The following PARD3B variants were observed in gnomAD, a reference collection of about 807,000 sequenced individuals.
PARD3B encodes partitioning defective 3 homolog B.
A neutral mutation model predicts 130.2 loss-of-function variants in PARD3B; 103 were observed. That is an observed-to-expected ratio of 0.79 (90% confidence interval 0.67 to 0.93). The LOEUF (loss-of-function observed/expected upper bound fraction) is 0.93. Ranked by LOEUF, PARD3B falls within the 40% of genes least tolerant of loss-of-function variation. The pLI is 0.00. For missense variants in PARD3B, 1,609 were observed against 1,499.2 expected (o/e 1.07, Z -1.21); for synonymous variants, 583 against 553.2 (o/e 1.05, Z -0.76).
At chr2:205,451,929 A>G (rs1330886083) in intron 20 of PARD3B, among the ~76,000 whole-genome samples, 1 of 152,006 alleles carries the variant, frequency 6.6e-6, no homozygotes, top group African/African-American at 2.4e-5. Context: ...CTTTCTAACT[A>G]TTTCTTTGTA....
At chr2:204,631,364 C>T (rs545265655) in intron 1 of PARD3B, among the ~76,000 whole-genome samples, 1 of 152,184 alleles carries the variant, frequency 6.6e-6, no homozygotes, top group African/African-American at 2.4e-5. Context: ...ATTCTCCTGC[C>T]TCAGCCTCCC....
intron 1 of PARD3B, among the ~76,000 whole-genome samples, chr2:204,591,942 A>C (rs1383875239): frequency 6.6e-6 from 1 of 152,208 alleles, no homozygotes; most frequent in African/African-American, 2.4e-5. Context: ...TAGTGTGCTA[A>C]AGTTGTCTTT....
intron 20 of PARD3B, among the ~76,000 whole-genome samples, chr2:205,447,938 T>C (rs904629411): frequency 1.3e-5 from 2 of 152,214 alleles, no homozygotes; most frequent in African/African-American, 4.8e-5. Flanking sequence ...GGACACAGCA[T>C]CTAAGCCTCA....
intron 1 of PARD3B, among the ~76,000 whole-genome samples, chr2:204,672,704 G>A (rs2036363277): frequency 6.6e-6 from 1 of 152,096 alleles, no homozygotes; most frequent in Non-Finnish European, 1.5e-5. Flanking sequence ...TGAAAAACTT[G>A]CCTACCATTC....
At position 204,779,162 on chromosome 2, in the gene PARD3B, T is replaced by C. The variant is rs1246501528; in HGVS notation, c.222+92880T>C. Among the ~76,000 whole-genome samples, 3 of 152,158 alleles carry C rather than the reference T, an allele frequency of 2.0e-5. No individual in the cohort carries two copies. The East Asian group carries it at 5.8e-4, about 29-fold the overall frequency. On this transcript the variant is annotated intron_variant, in intron 2 of 22. Transcript: ENST00000406610. The stretch of plus-strand genomic sequence containing the variant: ...CCCCTCAGGTTTCTGATAAATTATT[T>C]TTTTCCTCAGAGATGCCATCATCCC...
At chr2:205,152,940 T>C (rs1000374074) in intron 10 of PARD3B, among the ~76,000 whole-genome samples, 4 of 152,196 alleles carry the variant, frequency 2.6e-5, no homozygotes, top group Admixed American at 2.0e-4. Flanking sequence ...GATGGGGTTT[T>C]GGTGTGGATG....
intron 21 of PARD3B, among the ~76,000 whole-genome samples, chr2:205,507,196 ATTTTTTTTTTTTTTTTT>A (rs71410819): frequency 1.2e-3 from 29 of 25,192 alleles, no homozygotes; most frequent in South Asian, 4.3e-3. Context: ...CAGGTGCAGT[ATTTTTTTTTTTTTTTTT>A]TTTTTTTTTT....
chr2:205,378,586 C>T (rs549226039), intron 18 of PARD3B, among the ~76,000 whole-genome samples: 1 of 152,060 alleles, frequency 6.6e-6, no homozygotes, highest in African/African-American at 2.4e-5. Context: ...GCAGCTTCAC[C>T]ATGCTCCCAG....
intron 16 of PARD3B, among the ~76,000 whole-genome samples, chr2:205,297,233 G>A (rs1411412303): frequency 1.3e-5 from 2 of 152,044 alleles, no homozygotes; most frequent in Non-Finnish European, 2.9e-5. Context: ...TCACTTGAAA[G>A]AGACCTCTTC....
At position 205,463,894 on chromosome 2, in the gene PARD3B, T is replaced by C. The variant is rs1211023171; in HGVS notation, c.3044+23222T>C. Among the ~76,000 whole-genome samples, 1 of 152,096 alleles carries C rather than the reference T, an allele frequency of 6.6e-6. No homozygotes were observed. Among genetic ancestry groups the C allele is most frequent in the Non-Finnish European group, 1.5e-5 (1 of 68,034 alleles). On this transcript the variant is annotated intron_variant, in intron 20 of 22. Transcript: ENST00000406610. The surrounding 1 kb of genome is among the most constrained non-coding windows in gnomAD (Gnocchi z 4.8). ...GAGTAAAAGCAGCCGAGTAGGAAAATGGACTAGAAAAGTGTTTTATTGAAG... is the reference window on the plus strand; with the variant it reads ...GAGTAAAAGCAGCCGAGTAGGAAAACGGACTAGAAAAGTGTTTTATTGAAG...
At chr2:205,415,904 A>G (rs990678808) in intron 19 of PARD3B, among the ~76,000 whole-genome samples, 1 of 152,156 alleles carries the variant, frequency 6.6e-6, no homozygotes, top group Non-Finnish European at 1.5e-5. Flanking sequence ...CACAGATTAA[A>G]CCCGAAATAT....
chr2:204,653,897 A>C (rs1288484265), intron 1 of PARD3B, among the ~76,000 whole-genome samples: 1 of 151,146 alleles, frequency 6.6e-6, no homozygotes, highest in East Asian at 1.9e-4. Context: ...TTGGGAGGAA[A>C]GTTTGAGAGT....
chr2:205,582,667 T>TG (rs1470020270), intron 22 of PARD3B, among the ~76,000 whole-genome samples: 1 of 149,402 alleles, frequency 6.7e-6, no homozygotes, highest in African/African-American at 2.6e-5. Context: ...GGAAGGTTAT[T>TG]GTTTTTTTTT....
intron 2 of PARD3B, among the ~76,000 whole-genome samples, chr2:204,957,626 G>A (rs1690376676): frequency 6.6e-6 from 1 of 152,084 alleles, no homozygotes; most frequent in African/African-American, 2.4e-5. Flanking sequence ...CGGATTAAAT[G>A]CTTTTAGCTA....
rs1219711437 is a variant in PARD3B at position 205,585,145 on chromosome 2, C to T, written c.3261-30311C>T. ...ACAGCCTTGGAATGATTGCTCACTCCTTTCTGGCTTAGTCTTTTTTGTGGA... is the reference window on the plus strand; with the variant it reads ...ACAGCCTTGGAATGATTGCTCACTCTTTTCTGGCTTAGTCTTTTTTGTGGA... On this transcript the variant is annotated intron_variant, in intron 22 of 22. Transcript: ENST00000406610. The surrounding 1 kb of genome is among the most constrained non-coding windows in gnomAD (Gnocchi z 5.4). Among the ~76,000 whole-genome samples, 1 of 152,204 alleles carries T rather than the reference C, an allele frequency of 6.6e-6. No homozygotes were observed. Among genetic ancestry groups the T allele is most frequent in the African/African-American group, 2.4e-5 (1 of 41,448 alleles).
At chr2:205,174,477 T>C (rs554394444) in intron 12 of PARD3B, among the ~76,000 whole-genome samples, 8 of 152,344 alleles carry the variant, frequency 5.3e-5, no homozygotes, top group South Asian at 4.1e-4. Flanking sequence ...AAGACTAATG[T>C]ACAGTTTATC....
At chr2:205,615,428 T>G (rs1412892451) in intron 22 of PARD3B, 28 bp from the exon 23 acceptor site, 1 of 1,548,034 alleles carries the variant, frequency 6.5e-7, no homozygotes, top group Non-Finnish European at 8.7e-7. Flanking sequence ...TAGGAGCTGC[T>G]AACATGTGTC....
chr2:204,773,289 C>T (rs932102946), intron 2 of PARD3B, among the ~76,000 whole-genome samples: 1 of 151,822 alleles, frequency 6.6e-6, no homozygotes, highest in East Asian at 1.9e-4. Flanking sequence ...CATCTGCATA[C>T]TAGACCTTAC....
chr2:204,919,925 CA>C (rs2047600224), intron 2 of PARD3B, among the ~76,000 whole-genome samples: 1 of 151,314 alleles, frequency 6.6e-6, no homozygotes, highest in Non-Finnish European at 1.5e-5. Context: ...TCCAGACAGT[CA>C]CTTTTTTTTT....
Sources: gnomAD v4.1 joint callset for allele counts (sites outside exome capture counted in the v4.1 genomes callset) on GRCh38, gnomAD v4.1.1 for gene constraint, Gnocchi (gnomAD v3.1) non-coding constraint, MANE v1.5 for transcripts, NCBI Gene and HGNC (gene_info 2026-07-23, HGNC 2026-07-21) for gene names.